The following DCUN1D1 variants were observed in gnomAD, a reference collection of about 807,000 sequenced individuals.
DCUN1D1 encodes the protein defective in cullin neddylation 1 domain containing 1.
DCUN1D1 carries 3 observed loss-of-function variants against 39.0 expected under a neutral mutation model. That is an observed-to-expected ratio of 0.08 (90% CI 0.04 to 0.20). The LOEUF is 0.20. Ranked by LOEUF, DCUN1D1 falls within the 10% of genes least tolerant of loss-of-function variation. The pLI, the probability that DCUN1D1 is intolerant of heterozygous loss-of-function variation, is 1.00. For synonymous variants in DCUN1D1, 82 were observed against 96.3 expected (o/e 0.85, Z 0.87); for missense variants, 158 against 302.4 (o/e 0.52, Z 3.54).
intron 1 of DCUN1D1, among the ~76,000 whole-genome samples, chr3:182,976,126 A>C (rs1728227716): frequency 1.3e-5 from 2 of 152,142 alleles, no homozygotes; most frequent in South Asian, 4.2e-4. Context: ...ATTAGTTTTT[A>C]TTGAACATTA....
intron 4 of DCUN1D1, among the ~76,000 whole-genome samples, chr3:182,959,003 GTAC>G (rs1203944194): frequency 2.6e-5 from 4 of 152,022 alleles, no homozygotes; most frequent in African/African-American, 9.7e-5. Flanking sequence ...TCAAAATATT[GTAC>G]TACACTTCTA....
Position 182,957,941 on chromosome 3 carries a change from A to AC in DCUN1D1, c.520+3284_520+3285insG, listed in dbSNP as rs796631552. Among the ~76,000 whole-genome samples the AC allele has an allele frequency of 6.1e-3, 917 of 149,488 alleles. 11 individuals carry two copies. The highest frequency in any genetic ancestry group is 0.021 in the African/African-American group (853 of 40,960). ...CAACAGAGCAAGACCCTGCATCAAA[A>AC]AAAAAAAAAAAAAAAAAAAACAGAA... On this transcript the variant is annotated intron_variant, in intron 4 of 6. Coordinates refer to ENST00000292782, the MANE Select transcript of DCUN1D1 (RefSeq NM_020640.4).
chr3:182,980,444 G>C lies in DCUN1D1; in HGVS notation c.3+43C>G, dbSNP rs748084602. The C allele has an allele frequency of 1.1e-5, 12 of 1,090,868 alleles. No homozygotes were observed. The East Asian group carries it at 6.0e-4, about 55-fold the overall frequency. 67.6% of individuals were successfully genotyped at this position (1,090,868 alleles called of 1,614,324 possible). A position where few individuals can be genotyped will look rare whatever the true frequency, so the allele number is the denominator to read the frequency against. On this transcript the variant is annotated intron_variant, in intron 1 of 6. Coordinates refer to ENST00000292782, the MANE Select transcript of DCUN1D1 (RefSeq NM_020640.4). ...CGGGGCGGGGGTGCGCGGCAGCGCC[G>C]GCCCCCAGCCGGCAGGGCGGGCGGG...
rs1727628245 is a variant in DCUN1D1 at position 182,965,547 on chromosome 3, A to G, written c.210T>C (p.Asn70=). 3.7e-6 allele frequency: 6 copies of G among 1,611,292 alleles called. No individual in the cohort carries two copies. Among genetic ancestry groups the G allele is most frequent in the Non-Finnish European group, 5.1e-6 (6 of 1,177,888 alleles). The change falls in exon 2 of 7, where the codon AAT becomes AAC. Residue 70 remains asparagine, a synonymous_variant. Coordinates refer to ENST00000292782, the MANE Select transcript of DCUN1D1 (RefSeq NM_020640.4). ...LDRKKLEQLY[N]RYKDPQDENK... ...CAAGCAAGCACTCACCTTTGTATCT[A>G]TTGTACAGCTGTTCTAACTTCTTCC...
chr3:182,980,687 G>A, upstream of DCUN1D1: 3 of 599,068 alleles, frequency 5.0e-6, no homozygotes, highest in Non-Finnish European at 6.4e-6. Flanking sequence ...CCCCGCGCGG[G>A]GCTTCCCCCG....
intron 4 of DCUN1D1, among the ~76,000 whole-genome samples, chr3:182,959,463 C>T (rs958644600): frequency 7.0e-6 from 1 of 141,930 alleles, no homozygotes; most frequent in Non-Finnish European, 1.5e-5. Context: ...TGCAGAAGGC[C>T]CCTTATTAGC....
At chr3:182,963,239 G>A (rs1727495136) in intron 3 of DCUN1D1, among the ~76,000 whole-genome samples, 1 of 152,178 alleles carries the variant, frequency 6.6e-6, no homozygotes, top group African/African-American at 2.4e-5. Flanking sequence ...AAGTTGCTGT[G>A]AAGAGGTAGG....
chr3:182,944,224 ATTCAAAACAAATTAAATAGTTTAACT>A lies in DCUN1D1; in HGVS notation c.*844_*869del, dbSNP rs1726280139. On this transcript the variant is annotated 3_prime_UTR_variant, in exon 7 of 7. Transcript: ENST00000292782. ...ATTGTATTGTGTAGCAATCCAAAACATTCAAAACAAATTAAATAGTTTAACTTATGTGACAGGCAGATAAGCATTTC... is the reference window on the plus strand; with the variant it reads ...ATTGTATTGTGTAGCAATCCAAAACATATGTGACAGGCAGATAAGCATTTC... 1 of 152,664 alleles carries A rather than the reference ATTCAAAACAAATTAAATAGTTTAACT, an allele frequency of 6.6e-6. No individual in the cohort carries two copies. The highest frequency in any genetic ancestry group is 2.4e-5 in the African/African-American group (1 of 41,460). 9.5% of individuals were successfully genotyped at this position (152,664 alleles called of 1,614,324 possible). A position where few individuals can be genotyped will look rare whatever the true frequency, so the allele number is the denominator to read the frequency against.
At chr3:182,984,812 C>T (rs780968110), upstream of DCUN1D1, among the ~76,000 whole-genome samples, 8 of 152,110 alleles carry the variant, frequency 5.3e-5, no homozygotes, top group Non-Finnish European at 1.2e-4. Flanking sequence ...CTGTCTTTAG[C>T]AGAAAGAGCA....
chr3:182,965,832 T>C, intron 1 of DCUN1D1, 79 bp from the exon 2 acceptor site: 2 of 870,680 alleles, frequency 2.3e-6, no homozygotes, highest in Non-Finnish European at 3.6e-6. Flanking sequence ...TAACTAAACA[T>C]TCTTAGTAAT....
chr3:182,967,597 G>A (rs1171868909), intron 1 of DCUN1D1, among the ~76,000 whole-genome samples: 1 of 152,118 alleles, frequency 6.6e-6, no homozygotes, highest in South Asian at 2.1e-4. Context: ...CTCAACCTCT[G>A]TACTCCACTA....
chr3:182,973,783 G>A (rs1728074175), intron 1 of DCUN1D1, among the ~76,000 whole-genome samples: 1 of 150,580 alleles, frequency 6.6e-6, no homozygotes, highest in African/African-American at 2.5e-5. Context: ...CTCCAGCCTG[G>A]GTGACAAGTG....
upstream of DCUN1D1, chr3:182,980,956 G>A (rs2108410595): frequency 6.6e-6 from 1 of 152,316 alleles, no homozygotes; most frequent in East Asian, 1.9e-4. Context: ...TGGTTGAGGA[G>A]CTTCATCCAT....
chr3:182,972,764 G>A (rs969249994), intron 1 of DCUN1D1, among the ~76,000 whole-genome samples: 3 of 151,988 alleles, frequency 2.0e-5, no homozygotes, highest in Non-Finnish European at 4.4e-5. Flanking sequence ...AAAGAGGCTG[G>A]GCGCAGTGGC....
intron 4 of DCUN1D1, among the ~76,000 whole-genome samples, chr3:182,957,841 G>A (rs971645777): frequency 1.3e-5 from 2 of 149,590 alleles, no homozygotes; most frequent in Admixed American, 1.4e-4. Flanking sequence ...GGGAGGCGGA[G>A]GCAGGAGGAT....
chr3:182,980,730 C>G, upstream of DCUN1D1: 8 of 157,624 alleles, frequency 5.1e-5, no homozygotes, highest in Non-Finnish European at 7.4e-5. Flanking sequence ...TGGGCGGGGG[C>G]GGGGGGCGCG....
Position 182,945,032 on chromosome 3 carries a change from T to G in DCUN1D1, c.*62A>C, listed in dbSNP as rs1201643457. On this transcript the variant is annotated 3_prime_UTR_variant, in exon 7 of 7. Transcript: ENST00000292782. ...TTCAGTCCAGCCAGCAGAAATTGAC[T>G]GTGCAATTTTCTGTTGTATTTATTG... is the stretch of plus-strand genomic sequence containing the variant. 7.3e-7 allele frequency: 1 copy of G among 1,377,052 alleles called. No homozygotes were observed. Among genetic ancestry groups the G allele is most frequent in the Non-Finnish European group, 1.0e-6 (1 of 970,292 alleles). 85.3% of individuals were successfully genotyped at this position (1,377,052 alleles called of 1,614,324 possible).
intron 4 of DCUN1D1, among the ~76,000 whole-genome samples, chr3:182,949,389 G>A (rs1184350220): frequency 1.3e-5 from 2 of 150,946 alleles, no homozygotes; most frequent in Non-Finnish European, 3.0e-5. Flanking sequence ...GAGCAAACTT[G>A]ATGCTAATTC....
At chr3:182,959,783 G>A (rs1160114348) in intron 4 of DCUN1D1, among the ~76,000 whole-genome samples, 1 of 152,218 alleles carries the variant, frequency 6.6e-6, no homozygotes, top group Non-Finnish European at 1.5e-5. Context: ...CTGTGGTGGA[G>A]CTGGAAGATG....
Sources: allele counts gnomAD v4.1 joint callset (sites outside exome capture counted in the v4.1 genomes callset), GRCh38; gene constraint gnomAD v4.1.1; transcripts MANE v1.5; gene names NCBI Gene and HGNC (gene_info 2026-07-23, HGNC 2026-07-21).